MEGF11: variants seen among roughly 807,000 people sequenced by gnomAD.
MEGF11 encodes multiple EGF like domains 11, also known as multiple epidermal growth factor-like domains protein 11.
A neutral mutation model predicts 146.6 loss-of-function variants in MEGF11; 126 were observed. The observed-to-expected ratio is 0.86, with a 90% CI of 0.74 to 1.00. The LOEUF is 1.00. Among genes scored for constraint, MEGF11 ranks in the 50% least tolerant of loss-of-function variants. MEGF11 has a pLI of 0.00. For missense variants in MEGF11, 1,509 were observed against 1,521.2 expected, an observed-to-expected ratio of 0.99 and a Z score of 0.13; for synonymous variants, 532 against 583.4, an observed-to-expected ratio of 0.91 and a Z score of 1.27.
chr15:66,186,212 G>T lies in MEGF11; in HGVS notation c.-8-57801C>A, dbSNP rs146464991. ...AGGAATTTAACAGCATAGACCCTCC[G>T]GGAAGCAGAGAGGGTGACTCATGGT... On this transcript the variant is annotated intron_variant, in intron 1 of 25. Coordinates refer to ENST00000395614, the MANE Select transcript of MEGF11 (RefSeq NM_001385028.1). 2.4e-3 allele frequency among the ~76,000 whole-genome samples: 364 copies of T among 152,312 alleles called. 7 individuals carry two copies. In the East Asian group the frequency reaches 0.047, roughly 20 times the overall value.
intron 4 of MEGF11, among the ~76,000 whole-genome samples, chr15:66,095,268 C>A (rs2086493457): frequency 6.6e-6 from 1 of 152,164 alleles, no homozygotes; most frequent in South Asian, 2.1e-4. Context: ...TTGACAGAAT[C>A]CACATTTCCT....
chr15:66,152,430 T>C (rs974530669), intron 1 of MEGF11, among the ~76,000 whole-genome samples: 1 of 152,124 alleles, frequency 6.6e-6, no homozygotes, highest in Non-Finnish European at 1.5e-5. Flanking sequence ...GTAAGTCACC[T>C]CTCAGCATCA....
At chr15:66,177,325 G>A (rs2090411895) in intron 1 of MEGF11, among the ~76,000 whole-genome samples, 1 of 152,166 alleles carries the variant, frequency 6.6e-6, no homozygotes, top group Admixed American at 6.5e-5. Flanking sequence ...TTAAAAAGTA[G>A]AAAACTTACC....
intron 4 of MEGF11, among the ~76,000 whole-genome samples, chr15:66,107,812 T>C (rs1269312166): frequency 6.6e-6 from 1 of 152,162 alleles, no homozygotes; most frequent in Non-Finnish European, 1.5e-5. Flanking sequence ...ATCCTTGTCA[T>C]CAACCAGCCT....
At chr15:65,920,030 TCTCA>T (rs1481137957) in intron 15 of MEGF11, among the ~76,000 whole-genome samples, 1 of 152,246 alleles carries the variant, frequency 6.6e-6, no homozygotes, top group African/African-American at 2.4e-5. Context: ...TATTATATAG[TCTCA>T]CTATTATGCC....
chr15:66,097,752 CA>C (rs59635353), intron 4 of MEGF11, among the ~76,000 whole-genome samples: 8,598 of 138,858 alleles, frequency 0.062, 265 homozygotes, highest in Non-Finnish European at 0.07. Context: ...CAAAAAACTA[CA>C]AAAAAAAAAA....
At position 65,970,677 on chromosome 15, in the gene MEGF11, C is replaced by T. The variant is rs377601812; in HGVS notation, c.775G>A (p.Ala259Thr). ...AATGTCCCTGGTGGGCAGGGCTGGG[C>T]ACACACTGCTCCCTAAAAGAAAGGT... ...CPPGWTGAVCAQPCPPGTFGQ... is the reference protein window; with the variant it reads ...CPPGWTGAVCTQPCPPGTFGQ... The change falls in exon 8 of 26, where the codon GCC (alanine) becomes ACC (threonine). Residue 259 changes from alanine (A) to threonine (T), a missense_variant. Transcript: ENST00000395614. 5 of 1,611,086 alleles carry T rather than the reference C, an allele frequency of 3.1e-6. No individual in the cohort carries two copies. Among genetic ancestry groups the T allele is most frequent in the Non-Finnish European group, 4.2e-6 (5 of 1,178,692 alleles).
At chr15:65,991,486 A>G (rs748119862) in intron 5 of MEGF11, among the ~76,000 whole-genome samples, 6 of 152,022 alleles carry the variant, frequency 3.9e-5, no homozygotes, top group Non-Finnish European at 7.3e-5. Context: ...ATTCTTTGCT[A>G]TGGGGAACCA....
rs2092223651 is a variant in MEGF11, at chr15:66,242,218, G to GCAAC, written c.-9+11383_-9+11386dup. On this transcript the variant is annotated intron_variant, in intron 1 of 25. Coordinates refer to ENST00000395614, the MANE Select transcript of MEGF11 (RefSeq NM_001385028.1). ...GCCCAGGAGTTTGAGACCAGCCTGG[G>GCAAC]CAACACAGGGAGACCCCATCTCTAC... Among the ~76,000 whole-genome samples the GCAAC allele has an allele frequency of 4.6e-5, 7 of 151,912 alleles. No individual in the cohort carries two copies. The South Asian group carries it at 1.5e-3, about 32-fold the overall frequency.
intron 10 of MEGF11, among the ~76,000 whole-genome samples, chr15:65,933,146 C>G (rs982849966): frequency 6.6e-6 from 1 of 152,158 alleles, no homozygotes; most frequent in Non-Finnish European, 1.5e-5. Context: ...TGGAGTCCTT[C>G]CCCGAAGGCC....
chr15:65,990,200 T>C (rs2081985970), intron 5 of MEGF11, among the ~76,000 whole-genome samples: 1 of 152,020 alleles, frequency 6.6e-6, no homozygotes, highest in Non-Finnish European at 1.5e-5. Flanking sequence ...ACAGAGACTC[T>C]GTCTCTAAAA....
intron 5 of MEGF11, among the ~76,000 whole-genome samples, chr15:66,054,074 T>G (rs944458984): frequency 7.2e-5 from 11 of 152,038 alleles, no homozygotes; most frequent in African/African-American, 2.7e-4. Context: ...TTTTGCCAGT[T>G]CTCCCCTCCT....
At chr15:66,152,832 C>G (rs748074182) in intron 1 of MEGF11, among the ~76,000 whole-genome samples, 1 of 152,252 alleles carries the variant, frequency 6.6e-6, no homozygotes, top group Non-Finnish European at 1.5e-5. Context: ...TGACCCAGAG[C>G]CCAGGACATG....
chr15:66,025,056 T>C lies in MEGF11; in HGVS notation c.395-42568A>G, dbSNP rs1201085463. Among the ~76,000 whole-genome samples the C allele has an allele frequency of 3.3e-5, 5 of 149,308 alleles. No homozygotes were observed. In the Admixed American group the frequency reaches 3.3e-4, roughly 10 times the overall value. ...TCAAAGCTGGCCTGGAGTGAGCCCCTCACTGGATAATGAAGATGAATTCCG... is the reference window on the plus strand; with the variant it reads ...TCAAAGCTGGCCTGGAGTGAGCCCCCCACTGGATAATGAAGATGAATTCCG... On this transcript the variant is annotated intron_variant, in intron 5 of 25. Coordinates refer to ENST00000395614, the MANE Select transcript of MEGF11 (RefSeq NM_001385028.1).
chr15:66,052,009 C>A (rs557169898), intron 5 of MEGF11, among the ~76,000 whole-genome samples: 1 of 152,148 alleles, frequency 6.6e-6, no homozygotes, highest in Non-Finnish European at 1.5e-5. Flanking sequence ...CTGCTGGCAA[C>A]GGCACAAAAA....
At chr15:65,950,144 G>GCAT (rs145886491) in intron 10 of MEGF11, among the ~76,000 whole-genome samples, 9,525 of 152,158 alleles carry the variant, frequency 0.063, 429 homozygotes, top group Non-Finnish European at 0.093. Context: ...AGCAGTAGTG[G>GCAT]CATCATCATC....
intron 1 of MEGF11, among the ~76,000 whole-genome samples, chr15:66,144,252 G>A (rs1051692564): frequency 2.0e-5 from 3 of 152,098 alleles, no homozygotes; most frequent in Non-Finnish European, 4.4e-5. Flanking sequence ...GCTGGGCATC[G>A]GTGTTGTCCA....
At chr15:66,040,974 C>T (rs2083950911) in intron 5 of MEGF11, among the ~76,000 whole-genome samples, 1 of 151,516 alleles carries the variant, frequency 6.6e-6, no homozygotes, top group South Asian at 2.1e-4. Flanking sequence ...AATAGCCCTG[C>T]CCGAGACCAT....
intron 1 of MEGF11, among the ~76,000 whole-genome samples, chr15:66,195,712 T>A (rs1482784055): frequency 6.6e-6 from 1 of 152,206 alleles, no homozygotes; most frequent in Non-Finnish European, 1.5e-5. Context: ...ACAGCCACAC[T>A]GCTGGTGTTA....
Sources: gnomAD v4.1 joint callset for allele counts (sites outside exome capture counted in the v4.1 genomes callset) on GRCh38, gnomAD v4.1.1 for gene constraint, MANE v1.5 for transcripts, NCBI Gene and HGNC (gene_info 2026-07-23, HGNC 2026-07-21) for gene names.